The following FOXJ2 variants were observed in gnomAD, a reference collection of about 807,000 sequenced individuals.
The protein encoded by FOXJ2 is forkhead box protein J2.
Under a neutral mutation model 68.4 loss-of-function variants are expected in FOXJ2, and 18 were observed. That is an observed-to-expected ratio of 0.26 (90% confidence interval 0.18 to 0.39). The LOEUF is 0.39. Ranked by LOEUF, FOXJ2 falls within the 10% of genes least tolerant of loss-of-function variation. FOXJ2 has a pLI of 1.00. For missense variants in FOXJ2, 670 were observed against 726.5 expected (o/e 0.92, Z 0.89); for synonymous variants, 274 against 263.2 (o/e 1.04, Z -0.40).
chr12:8,051,232 T>C (rs1947122855), intron 10 of FOXJ2, among the ~76,000 whole-genome samples: 1 of 151,350 alleles, frequency 6.6e-6, no homozygotes, highest in African/African-American at 2.4e-5. Flanking sequence ...TGGGTTGAAA[T>C]GATTCTCCTG....
chr12:8,048,308 C>T lies in FOXJ2; in HGVS notation c.1225+19C>T, dbSNP rs370097060. The T allele has an allele frequency of 9.1e-6, 14 of 1,537,078 alleles. No individual in the cohort carries two copies. In the South Asian group the frequency reaches 1.3e-4, roughly 14 times the overall value. ...GGCTTTGGTGAGTAAGGAGGGTGCA[C>T]AGTGATCTAGAGGAGGGTGGGGTGA... On this transcript the variant is annotated intron_variant, in intron 7 of 10. Transcript: ENST00000162391.
chr12:8,039,384 G>A (rs1946936908), intron 1 of FOXJ2, among the ~76,000 whole-genome samples: 1 of 152,162 alleles, frequency 6.6e-6, no homozygotes, highest in Admixed American at 6.5e-5. Flanking sequence ...GTACGTTCGT[G>A]CCGTCTATCT....
rs116381908 is a variant in FOXJ2 at position 8,038,250 on chromosome 12, G to T, written c.-14-1569G>T. ...CAGAATGCTGACCCCTAGGAGAAAGGCTTAAGGGTCAAGGGCAGAAGAATC... is the reference window on the plus strand; with the variant it reads ...CAGAATGCTGACCCCTAGGAGAAAGTCTTAAGGGTCAAGGGCAGAAGAATC... On this transcript the variant is annotated intron_variant, in intron 1 of 10. Transcript: ENST00000162391. The surrounding 1 kb of genome is among the most constrained non-coding windows in gnomAD (Gnocchi z 5.3). Among the ~76,000 whole-genome samples the T allele has an allele frequency of 6.8e-3, 1,034 of 152,240 alleles. 11 individuals carry two copies. The highest frequency in any genetic ancestry group is 0.023 in the African/African-American group (935 of 41,536).
chr12:8,038,037 C>T lies in FOXJ2; in HGVS notation c.-14-1782C>T, dbSNP rs918248944. 5.3e-5 allele frequency among the ~76,000 whole-genome samples: 8 copies of T among 152,178 alleles called. No individual in the cohort carries two copies. The highest frequency in any genetic ancestry group is 1.2e-4 in the African/African-American group (5 of 41,442). On this transcript the variant is annotated intron_variant, in intron 1 of 10. Coordinates refer to ENST00000162391, the MANE Select transcript of FOXJ2 (RefSeq NM_018416.3). The surrounding 1 kb of genome is among the most constrained non-coding windows in gnomAD (Gnocchi z 5.3). ...ATAAACATGCCAGCCCCCCTCGCTCCGCCCCTTTTCTCCTGTCAAACAATT... is the reference window on the plus strand; with the variant it reads ...ATAAACATGCCAGCCCCCCTCGCTCTGCCCCTTTTCTCCTGTCAAACAATT...
In FOXJ2 at chr12:8,035,287, G is replaced by A. The variant is rs1054766810; in HGVS notation, c.-15+1454G>A. Among the ~76,000 whole-genome samples the A allele has an allele frequency of 3.3e-5, 5 of 152,144 alleles. No individual in the cohort carries two copies. Among genetic ancestry groups the A allele is most frequent in the Non-Finnish European group, 7.4e-5 (5 of 68,022 alleles). Reference sequence around the variant, plus strand: ...GTTTCTGGTGGGCCTCTAGAAGCAGGTGCCTCTGTACAAGGACATGGATAG... The same window carrying A: ...GTTTCTGGTGGGCCTCTAGAAGCAGATGCCTCTGTACAAGGACATGGATAG... On this transcript the variant is annotated intron_variant, in intron 1 of 10. Coordinates refer to ENST00000162391, the MANE Select transcript of FOXJ2 (RefSeq NM_018416.3). This position sits in a 1 kb window ranked among gnomAD's most constrained non-coding sequence, Gnocchi z 4.0.
At chr12:8,042,032 C>T (rs111740145) in intron 2 of FOXJ2, among the ~76,000 whole-genome samples, 9 of 152,226 alleles carry the variant, frequency 5.9e-5, no homozygotes, top group African/African-American at 2.2e-4. Context: ...CATGTGCTAC[C>T]ACGCCTGGCT....
In FOXJ2 at chr12:8,052,913, G is replaced by A. The variant is rs996101043; in HGVS notation, c.*63G>A. The A allele has an allele frequency of 2.3e-6, 3 of 1,299,252 alleles. No homozygotes were observed. The Admixed American group carries it at 5.7e-5, about 25-fold the overall frequency. The allele number at this position is 1,299,252 out of a possible 1,614,324, so 80.5% of individuals were successfully genotyped here. On this transcript the variant is annotated 3_prime_UTR_variant, in exon 11 of 11. Coordinates refer to ENST00000162391, the MANE Select transcript of FOXJ2 (RefSeq NM_018416.3). ...GGTGAAATCTGGCAGTGGGGAAAGA[G>A]CAACCCCAGCCCGTCCCTTCCCCCC...
chr12:8,052,578 T>C (rs1474946773), intron 10 of FOXJ2, among the ~76,000 whole-genome samples, 184 bp from the exon 11 acceptor site: 1 of 152,236 alleles, frequency 6.6e-6, no homozygotes, highest in Non-Finnish European at 1.5e-5. Flanking sequence ...TAATTTACTC[T>C]AGTTTATTTC....
chr12:8,045,489 T>A (rs1347280242), intron 6 of FOXJ2, among the ~76,000 whole-genome samples: 2 of 152,086 alleles, frequency 1.3e-5, no homozygotes, highest in African/African-American at 4.8e-5. Context: ...GTGTTGGAAT[T>A]ACAGGCATGA....
In FOXJ2 at chr12:8,048,109, G is replaced by A. The variant is rs1452105097; in HGVS notation, c.1045G>A (p.Gly349Arg). 10 of 1,612,814 alleles carry A rather than the reference G, an allele frequency of 6.2e-6. No homozygotes were observed. In the Admixed American group the frequency reaches 8.3e-5, roughly 13 times the overall value. Residue 349 changes from glycine (G) to arginine (R), a missense_variant, in exon 7 of 11, where the codon GGA (glycine) becomes AGA (arginine). Transcript: ENST00000162391. ...PSTDGCTPPG[G>R]KQAGAEGYGP... The stretch of plus-strand genomic sequence containing the variant: ...CACAGATGGTTGTACCCCACCAGGG[G>A]GAAAGCAAGCTGGGGCGGAAGGCTA...
chr12:8,051,728 GAC>G (rs1408905631), intron 10 of FOXJ2, among the ~76,000 whole-genome samples: 1 of 152,122 alleles, frequency 6.6e-6, no homozygotes, highest in East Asian at 1.9e-4. Flanking sequence ...TTCACATTTA[GAC>G]ACATAGAAAA....
rs953608079 is a variant in FOXJ2, at chr12:8,054,479, G to A, written c.*1629G>A. 20 of 152,456 alleles carry A rather than the reference G, an allele frequency of 1.3e-4. No individual in the cohort carries two copies. The highest frequency in any genetic ancestry group is 4.1e-4 in the African/African-American group (17 of 41,422). The allele number at this position is 152,456 out of a possible 1,614,324, so 9.4% of individuals were successfully genotyped here. On this transcript the variant is annotated 3_prime_UTR_variant, in exon 11 of 11. Coordinates refer to ENST00000162391, the MANE Select transcript of FOXJ2 (RefSeq NM_018416.3). ...TAATTTCCAAGAGGTTTGGCGTTCCGCTCTCCTGCTTTTTTCTTTCATCCA... is the reference window on the plus strand; with the variant it reads ...TAATTTCCAAGAGGTTTGGCGTTCCACTCTCCTGCTTTTTTCTTTCATCCA...
chr12:8,052,253 C>T (rs1363610940), intron 10 of FOXJ2, among the ~76,000 whole-genome samples: 2 of 145,964 alleles, frequency 1.4e-5, no homozygotes, highest in Non-Finnish European at 3.0e-5. Flanking sequence ...GACGGAGTCT[C>T]GCTCTATCGC....
In FOXJ2 at chr12:8,051,706, A is replaced by T. The variant is rs1025518674; in HGVS notation, c.1637-1056A>T. Reference sequence around the variant, plus strand: ...ACTAAATTGCCACAGACAGAACAAAATGAACAGGTCCTTCACATTTAGACA... The same window carrying T: ...ACTAAATTGCCACAGACAGAACAAATTGAACAGGTCCTTCACATTTAGACA... On this transcript the variant is annotated intron_variant, in intron 10 of 10. Coordinates refer to ENST00000162391, the MANE Select transcript of FOXJ2 (RefSeq NM_018416.3). Among the ~76,000 whole-genome samples the T allele has an allele frequency of 2.6e-5, 4 of 152,306 alleles. No homozygotes were observed. In the East Asian group the frequency reaches 7.7e-4, roughly 29 times the overall value.
At chr12:8,044,627 GA>G in intron 5 of FOXJ2, 132 bp from the exon 6 acceptor site, 1 of 825,580 alleles carries the variant, frequency 1.2e-6, no homozygotes, top group Non-Finnish European at 1.9e-6. Context: ...GAAAGAAGGA[GA>G]AAATGATGCT....
rs957738957 is a variant in FOXJ2, at chr12:8,038,896, G to A, written c.-14-923G>A. On this transcript the variant is annotated intron_variant, in intron 1 of 10. Coordinates refer to ENST00000162391, the MANE Select transcript of FOXJ2 (RefSeq NM_018416.3). This position sits in a 1 kb window ranked among gnomAD's most constrained non-coding sequence, Gnocchi z 5.3. ...AGGGCGGAGAAGGGGAGCCAGCTCC[G>A]AGCTCCAGAGTGGCTATTTTTAGCC... is the stretch of plus-strand genomic sequence containing the variant. Among the ~76,000 whole-genome samples, 2 of 152,190 alleles carry A rather than the reference G, an allele frequency of 1.3e-5. No homozygotes were observed. Among genetic ancestry groups the A allele is most frequent in the Admixed American group, 6.5e-5 (1 of 15,278 alleles).
chr12:8,044,380 G>A (rs929731402), intron 5 of FOXJ2, among the ~76,000 whole-genome samples: 15 of 152,098 alleles, frequency 9.9e-5, no homozygotes, highest in African/African-American at 3.6e-4. Flanking sequence ...CTTGAGACCC[G>A]CCTATCCAAC....
At chr12:8,045,200 C>T (rs899539199) in intron 6 of FOXJ2, among the ~76,000 whole-genome samples, 5 of 149,352 alleles carry the variant, frequency 3.3e-5, no homozygotes, top group Admixed American at 2.7e-4. Context: ...CGTGCTACCA[C>T]GCTTGGCTAA....
chr12:8,033,388 GA>G lies in FOXJ2; in HGVS notation c.-459del, dbSNP rs1946860166. On this transcript the variant is annotated 5_prime_UTR_variant, in exon 1 of 11. Transcript: ENST00000162391. ...AGGAATCGGCTTTCAGCCTTCTGGA[GA>G]GGGGAAGACCTCCCCCTCAACTTCC... 6.5e-6 allele frequency: 1 copy of G among 152,980 alleles called. No individual in the cohort carries two copies. Among genetic ancestry groups the G allele is most frequent in the South Asian group, 2.1e-4 (1 of 4,838 alleles). The allele number at this position is 152,980 out of a possible 1,614,324, so 9.5% of individuals were successfully genotyped here.
Sources: gnomAD v4.1 joint callset for allele counts (sites outside exome capture counted in the v4.1 genomes callset) on GRCh38, gnomAD v4.1.1 for gene constraint, Gnocchi (gnomAD v3.1) non-coding constraint, MANE v1.5 for transcripts, NCBI Gene and HGNC (gene_info 2026-07-23, HGNC 2026-07-21) for gene names.